Variants in PTPRN2 observed in about 807,000 individuals in gnomAD.
PTPRN2 encodes receptor-type tyrosine-protein phosphatase N2.
In PTPRN2, 74 loss-of-function variants were observed where a neutral mutation model predicts 118.8. The ratio of observed to expected loss-of-function variants is 0.62; its 90% confidence interval spans 0.52 to 0.76. PTPRN2 has a LOEUF of 0.76. PTPRN2 is among the 30% of genes least tolerant of loss of function. PTPRN2 has a pLI of 0.00. For missense variants in PTPRN2, 1,481 were observed against 1,394.4 expected, an observed-to-expected ratio of 1.06 and a Z score of -0.99; for synonymous variants, 641 against 608.0, an observed-to-expected ratio of 1.05 and a Z score of -0.80.
rs996725023 is a variant in PTPRN2, at chr7:158,526,768, G to A, written c.113-36983C>T. Reference sequence around the variant, plus strand: ...TGGACAACCCTGTGGGGCACAGGGAGGAGACGGCATCTGCCAGCCAAGGGG... The same window carrying A: ...TGGACAACCCTGTGGGGCACAGGGAAGAGACGGCATCTGCCAGCCAAGGGG... On this transcript the variant is annotated intron_variant, in intron 1 of 22. Transcript: ENST00000389418. The surrounding 1 kb of genome is among the most constrained non-coding windows in gnomAD (Gnocchi z 5.2). Among the ~76,000 whole-genome samples, 1 of 152,128 alleles carries A rather than the reference G, an allele frequency of 6.6e-6. No individual in the cohort carries two copies. The highest frequency in any genetic ancestry group is 1.5e-5 in the Non-Finnish European group (1 of 68,036).
intron 18 of PTPRN2, among the ~76,000 whole-genome samples, chr7:157,577,209 C>G (rs1165004048): frequency 1.3e-5 from 2 of 152,182 alleles, no homozygotes; most frequent in Non-Finnish European, 2.9e-5. Flanking sequence ...GCTGCGCACA[C>G]CCGGGTCTAG....
At chr7:157,973,431 ACTT>A (rs1293329392) in intron 11 of PTPRN2, among the ~76,000 whole-genome samples, 1 of 152,188 alleles carries the variant, frequency 6.6e-6, no homozygotes, top group African/African-American at 2.4e-5. Context: ...ACATCCACAG[ACTT>A]CTTATGTCAT....
intron 2 of PTPRN2, among the ~76,000 whole-genome samples, chr7:158,334,519 G>C (rs111453530): frequency 1.1e-4 from 12 of 104,552 alleles, no homozygotes; most frequent in East Asian, 6.3e-4. Flanking sequence ...ACCATAAGAG[G>C]TGACACCTGC....
intron 14 of PTPRN2, among the ~76,000 whole-genome samples, chr7:157,633,804 A>G (rs753933958): frequency 6.6e-6 from 1 of 152,246 alleles, no homozygotes; most frequent in Non-Finnish European, 1.5e-5. Context: ...GGTGTCCGGC[A>G]GACCAGGAGC....
In PTPRN2 at chr7:158,159,548, A is replaced by C. The variant is rs137978556; in HGVS notation, c.910+7383T>G. Among the ~76,000 whole-genome samples, 4 of 152,364 alleles carry C rather than the reference A, an allele frequency of 2.6e-5. No individual in the cohort carries two copies. In the East Asian group the frequency reaches 7.7e-4, roughly 29 times the overall value. On this transcript the variant is annotated intron_variant, in intron 6 of 22. Coordinates refer to ENST00000389418, the MANE Select transcript of PTPRN2 (RefSeq NM_002847.5). Reference sequence around the variant, plus strand: ...TCCAGGCTCTGGAGGGCGCAGAACCAAGATGATGAAAGAAAGGGTTCTAAC... The same window carrying C: ...TCCAGGCTCTGGAGGGCGCAGAACCCAGATGATGAAAGAAAGGGTTCTAAC...
chr7:157,576,524 G>C lies in PTPRN2; in HGVS notation c.2783+89C>G, dbSNP rs1800049720. 4 of 1,318,004 alleles carry C rather than the reference G, an allele frequency of 3.0e-6. No individual in the cohort carries two copies. The Admixed American group carries it at 9.0e-5, about 30-fold the overall frequency. The allele number at this position is 1,318,004 out of a possible 1,614,324, so 81.6% of individuals were successfully genotyped here. A position where few individuals can be genotyped will look rare whatever the true frequency, so the allele number is the denominator to read the frequency against. ...CGCCGACACAGACGCGGCCCTCGGC[G>C]CCAGGGGCGTCTCAGGAGCACCGAA... On this transcript the variant is annotated intron_variant, in intron 19 of 22. Transcript: ENST00000389418.
At chr7:158,353,270 C>T (rs568403836) in intron 2 of PTPRN2, among the ~76,000 whole-genome samples, 5 of 152,186 alleles carry the variant, frequency 3.3e-5, no homozygotes, top group Admixed American at 2.0e-4. Flanking sequence ...TAGAAAACAA[C>T]ACAATAGAAG....
chr7:157,807,313 T>C (rs1563129937), intron 12 of PTPRN2, among the ~76,000 whole-genome samples: 1 of 152,082 alleles, frequency 6.6e-6, no homozygotes, highest in Non-Finnish European at 1.5e-5. Context: ...TCCCGGCCCA[T>C]TGGATGGGGA....
intron 2 of PTPRN2, among the ~76,000 whole-genome samples, chr7:158,385,116 T>C (rs1811236892): frequency 6.6e-6 from 1 of 152,236 alleles, no homozygotes; most frequent in Non-Finnish European, 1.5e-5. Flanking sequence ...CCCTGAAGCA[T>C]GGAATAATAA....
intron 2 of PTPRN2, among the ~76,000 whole-genome samples, chr7:158,419,653 T>C (rs777998419): frequency 3.9e-5 from 6 of 151,992 alleles, no homozygotes; most frequent in Admixed American, 6.6e-5. Flanking sequence ...ATGAGTGAAA[T>C]ACCTGATGGA....
At chr7:158,522,351 T>G (rs1201403643) in intron 1 of PTPRN2, among the ~76,000 whole-genome samples, 1 of 128,874 alleles carries the variant, frequency 7.8e-6, no homozygotes, top group Admixed American at 7.6e-5. Flanking sequence ...GTCACAATGG[T>G]GGACTGTCCA....
At chr7:157,697,979 C>T (rs1797889972) in intron 12 of PTPRN2, among the ~76,000 whole-genome samples, 1 of 151,932 alleles carries the variant, frequency 6.6e-6, no homozygotes, top group Non-Finnish European at 1.5e-5. Context: ...GCAGAGCCCT[C>T]ACCATCTACC....
At position 157,874,678 on chromosome 7, in the gene PTPRN2, G is replaced by T. The variant is rs888508455; in HGVS notation, c.1788+23995C>A. On this transcript the variant is annotated intron_variant, in intron 12 of 22. Coordinates refer to ENST00000389418, the MANE Select transcript of PTPRN2 (RefSeq NM_002847.5). The surrounding 1 kb of genome is among the most constrained non-coding windows in gnomAD (Gnocchi z 5.8). ...AGCAGCACAAGGCAGGGGTTTGCTT[G>T]CAGGTAGCAAAGTAACCCAAGCAGA... Among the ~76,000 whole-genome samples the T allele has an allele frequency of 4.6e-5, 7 of 152,140 alleles. No individual in the cohort carries two copies. Among genetic ancestry groups the T allele is most frequent in the Non-Finnish European group, 8.8e-5 (6 of 68,030 alleles).
chr7:158,333,538 G>A (rs1302480604), intron 2 of PTPRN2, among the ~76,000 whole-genome samples: 21 of 148,778 alleles, frequency 1.4e-4, no homozygotes, highest in Non-Finnish European at 1.3e-4. Flanking sequence ...GACACTCGCA[G>A]ACGTCACTCA....
chr7:157,906,059 A>T (rs1584991977), intron 11 of PTPRN2, among the ~76,000 whole-genome samples: 1 of 151,852 alleles, frequency 6.6e-6, no homozygotes, highest in African/African-American at 2.4e-5. Flanking sequence ...ACCTCTGTGG[A>T]CTCTGCCCCT....
At chr7:157,991,281 C>T (rs1405713373) in intron 11 of PTPRN2, among the ~76,000 whole-genome samples, 2 of 152,328 alleles carry the variant, frequency 1.3e-5, no homozygotes, top group Non-Finnish European at 2.9e-5. Context: ...AGAAAGTACC[C>T]GGACAATTCC....
intron 12 of PTPRN2, among the ~76,000 whole-genome samples, chr7:157,771,973 C>G (rs1296704836): frequency 1.3e-5 from 2 of 151,762 alleles, no homozygotes; most frequent in African/African-American, 2.4e-5. Context: ...GACACACACA[C>G]ATACACACGG....
chr7:158,051,180 C>G (rs1809299317), intron 11 of PTPRN2, among the ~76,000 whole-genome samples: 1 of 152,242 alleles, frequency 6.6e-6, no homozygotes, highest in Admixed American at 6.5e-5. Context: ...CCATCCAGCA[C>G]AGAGCAGTGT....
At chr7:157,840,839 C>A (rs1808367067) in intron 12 of PTPRN2, among the ~76,000 whole-genome samples, 1 of 152,248 alleles carries the variant, frequency 6.6e-6, no homozygotes, top group Admixed American at 6.5e-5. Flanking sequence ...CGTCCTCAGA[C>A]CCCTCCAGGA....
Sources: gnomAD v4.1 joint callset for allele counts (sites outside exome capture counted in the v4.1 genomes callset) on GRCh38, gnomAD v4.1.1 for gene constraint, Gnocchi (gnomAD v3.1) non-coding constraint, MANE v1.5 for transcripts, NCBI Gene and HGNC (gene_info 2026-07-23, HGNC 2026-07-21) for gene names.